The following ADD1 variants were observed in gnomAD, a reference collection of about 807,000 sequenced individuals.
ADD1 encodes the protein alpha-adducin.
A neutral mutation model predicts 80.5 loss-of-function variants in ADD1; 24 were observed. The observed-to-expected ratio is 0.30, with a 90% confidence interval of 0.22 to 0.42. ADD1 has a LOEUF of 0.42. ADD1 is among the 10% of genes least tolerant of loss of function. ADD1 has a pLI of 1.00. For synonymous variants in ADD1, 373 were observed against 393.8 expected, an observed-to-expected ratio of 0.95 and a Z score of 0.63; for missense variants, 948 against 1,019.0, an observed-to-expected ratio of 0.93 and a Z score of 0.95.
At chr4:2,921,527 C>T (rs1356445359) in intron 14 of ADD1, among the ~76,000 whole-genome samples, 1 of 152,204 alleles carries the variant, frequency 6.6e-6, no homozygotes, top group African/African-American at 2.4e-5. Flanking sequence ...ATGGGCTTCC[C>T]TTTGTGGGTA....
intron 12 of ADD1, 112 bp downstream of exon 12, chr4:2,908,716 C>A (rs980230854): frequency 3.4e-6 from 3 of 883,300 alleles, no homozygotes; most frequent in Middle Eastern, 2.2e-4. Flanking sequence ...TTCTAGGCAA[C>A]CAGTTACCTT....
intron 10 of ADD1, among the ~76,000 whole-genome samples, chr4:2,906,035 A>G (rs911945320): frequency 5.9e-5 from 9 of 152,366 alleles, no homozygotes; most frequent in African/African-American, 2.2e-4. Context: ...AGTTCAGTTG[A>G]AATTAGATTA....
At position 2,909,352 on chromosome 4, in the gene ADD1, C is replaced by T; in HGVS notation, c.1712C>T (p.Ser571Phe). 3.9e-6 allele frequency: 6 copies of T among 1,550,492 alleles called. No individual in the cohort carries two copies. Among genetic ancestry groups the T allele is most frequent in the Non-Finnish European group, 5.2e-6 (6 of 1,146,868 alleles). Reference protein sequence around the residue: ...DRSLVQDAPLSDCTETIEGLE... With the variant: ...DRSLVQDAPLFDCTETIEGLE... ...TTACTGTTTCAGGATGCACCTCTCT[C>T]TGACTGTACGGAAACTATCGAAGGG... Residue 571 changes from serine to phenylalanine, a missense_variant, in exon 13 of 16, where the codon TCT becomes TTT. Coordinates refer to ENST00000683351, the MANE Select transcript of ADD1 (RefSeq NM_001354761.2).
At chr4:2,927,682 G>C (rs1712063114) in intron 15 of ADD1, among the ~76,000 whole-genome samples, 1 of 152,164 alleles carries the variant, frequency 6.6e-6, no homozygotes, top group Non-Finnish European at 1.5e-5. Flanking sequence ...TTGTTCTTTT[G>C]GATGTTGACG....
chr4:2,925,147 C>CAG, intron 14 of ADD1, among the ~76,000 whole-genome samples: 1 of 152,292 alleles, frequency 6.6e-6, no homozygotes. Flanking sequence ...GGCTGGCTGC[C>CAG]AGAGGTCAGC....
chr4:2,880,451 A>ATTTC lies in ADD1; in HGVS notation c.196-1435_196-1432dup, dbSNP rs1258827364. Among the ~76,000 whole-genome samples, 371 of 97,598 alleles carry ATTTC rather than the reference A, an allele frequency of 3.8e-3. 1 individual carries two copies. The highest frequency in any genetic ancestry group is 0.011 in the African/African-American group (295 of 27,284). 64.0% of individuals were successfully genotyped at this position (97,598 alleles called of 152,430 possible). A position where few individuals can be genotyped will look rare whatever the true frequency, so the allele number is the denominator to read the frequency against. The stretch of plus-strand genomic sequence containing the variant: ...ATCATTTATAATTGTTTGACAAGAT[A>ATTTC]TTTCTTTCTTTCTTTTTTTTTTTTT... On this transcript the variant is annotated intron_variant, in intron 2 of 15. Transcript: ENST00000683351.
In ADD1 at chr4:2,926,334, G is replaced by A. The variant is rs562798415; in HGVS notation, c.2047+222G>A. Reference sequence around the variant, plus strand: ...GTGACCAGGTAGGAAGGCCGGCCTCGGGGGTCGGAACCCACCATGGTTGCT... The same window carrying A: ...GTGACCAGGTAGGAAGGCCGGCCTCAGGGGTCGGAACCCACCATGGTTGCT... On this transcript the variant is annotated intron_variant, in intron 15 of 15. Coordinates refer to ENST00000683351, the MANE Select transcript of ADD1 (RefSeq NM_001354761.2). The surrounding 1 kb of genome is among the most constrained non-coding windows in gnomAD (Gnocchi z 5.0). The A allele has an allele frequency of 5.4e-5, 38 of 705,550 alleles. No individual in the cohort carries two copies. Among genetic ancestry groups the A allele is most frequent in the African/African-American group, 4.2e-4 (24 of 57,388 alleles). 43.7% of individuals were successfully genotyped at this position (705,550 alleles called of 1,614,324 possible). A position where few individuals can be genotyped will look rare whatever the true frequency, so the allele number is the denominator to read the frequency against.
chr4:2,910,100 T>C (rs1394230770), intron 13 of ADD1, among the ~76,000 whole-genome samples: 4 of 147,968 alleles, frequency 2.7e-5, no homozygotes, highest in Non-Finnish European at 4.5e-5. Flanking sequence ...GTGGAAGATC[T>C]GTCTGAACCC....
intron 4 of ADD1, among the ~76,000 whole-genome samples, chr4:2,886,188 C>G (rs1733333994): frequency 6.6e-6 from 1 of 152,180 alleles, no homozygotes; most frequent in Non-Finnish European, 1.5e-5. Flanking sequence ...GTGCGCTGTT[C>G]ACGTTGCTGA....
intron 10 of ADD1, 83 bp downstream of exon 10, chr4:2,905,191 C>G (rs980668103): frequency 1.4e-5 from 18 of 1,324,584 alleles, no homozygotes; most frequent in Non-Finnish European, 1.6e-5. Context: ...GGGAATCCAG[C>G]CTTTCTGACC....
intron 1 of ADD1, among the ~76,000 whole-genome samples, chr4:2,868,799 G>A (rs1404827410): frequency 2.6e-5 from 4 of 152,198 alleles, no homozygotes; most frequent in Non-Finnish European, 5.9e-5. Context: ...TGGGAATGGT[G>A]TATGTTGACA....
At chr4:2,911,448 A>ATATATATT (rs553567632) in intron 13 of ADD1, among the ~76,000 whole-genome samples, 2 of 130,504 alleles carry the variant, frequency 1.5e-5, no homozygotes, top group African/African-American at 5.9e-5. Context: ...ATATATATAT[A>ATATATATT]TTTTTTTTTT....
In ADD1 at chr4:2,871,403, A is replaced by G. The variant is rs1022327461; in HGVS notation, c.-20-4493A>G. On this transcript the variant is annotated intron_variant, in intron 1 of 15. Coordinates refer to ENST00000683351, the MANE Select transcript of ADD1 (RefSeq NM_001354761.2). Reference sequence around the variant, plus strand: ...GAATTGCTTTTATGTCATTTGAGATAGTTGGTGTAAGTGTCTTGACTTTTT... The same window carrying G: ...GAATTGCTTTTATGTCATTTGAGATGGTTGGTGTAAGTGTCTTGACTTTTT... Among the ~76,000 whole-genome samples the G allele has an allele frequency of 4.6e-5, 7 of 152,242 alleles. No individual in the cohort carries two copies. The South Asian group carries it at 1.2e-3, about 27-fold the overall frequency.
intron 4 of ADD1, among the ~76,000 whole-genome samples, chr4:2,884,882 G>A (rs78892897): frequency 0.016 from 2,375 of 152,158 alleles, 56 homozygotes; most frequent in African/African-American, 0.049. Context: ...TCTTTCTTGC[G>A]TGCTAACCTA....
In ADD1 at chr4:2,928,118, C is replaced by T; in HGVS notation, c.2048-53C>T. ...GTGGGGCTCCCCCATCTCAAGCTGC[C>T]CTTTGAGATCTGGGCAGGAACCCTT... On this transcript the variant is annotated intron_variant, in intron 15 of 15. Coordinates refer to ENST00000683351, the MANE Select transcript of ADD1 (RefSeq NM_001354761.2). 2.7e-6 allele frequency: 4 copies of T among 1,503,078 alleles called. No individual in the cohort carries two copies. In the African/African-American group the frequency reaches 4.2e-5, roughly 16 times the overall value. The allele number at this position is 1,503,078 out of a possible 1,614,324, so 93.1% of individuals were successfully genotyped here. A position where few individuals can be genotyped will look rare whatever the true frequency, so the allele number is the denominator to read the frequency against.
chr4:2,857,969 CATTT>C (rs1728317204), intron 1 of ADD1, among the ~76,000 whole-genome samples: 1 of 152,028 alleles, frequency 6.6e-6, no homozygotes, highest in Admixed American at 6.6e-5. Flanking sequence ...ATTTAATAAG[CATTT>C]ATTTAAGATC....
chr4:2,852,708 T>C (rs1048300955), intron 1 of ADD1, among the ~76,000 whole-genome samples: 6 of 147,826 alleles, frequency 4.1e-5, no homozygotes, highest in African/African-American at 5.0e-5. Context: ...TTTTTTTTTT[T>C]TTTTTTTGGA....
At chr4:2,858,125 T>A (rs180924601) in intron 1 of ADD1, among the ~76,000 whole-genome samples, 1 of 152,340 alleles carries the variant, frequency 6.6e-6, no homozygotes, top group Admixed American at 6.5e-5. Flanking sequence ...GAGGGAACTC[T>A]ACTATGTGGT....
chr4:2,929,691 A>G lies in ADD1; in HGVS notation c.*1168A>G, dbSNP rs1276659376. 6.6e-6 allele frequency: 1 copy of G among 152,296 alleles called. No homozygotes were observed. Among genetic ancestry groups the G allele is most frequent in the East Asian group, 1.9e-4 (1 of 5,200 alleles). The allele number at this position is 152,296 out of a possible 1,614,324, so 9.4% of individuals were successfully genotyped here. ...CCAGATGTGGGCTCAGATCCTGGGC[A>G]TGATGGGCCGAGCCACCTCGGATCC... On this transcript the variant is annotated 3_prime_UTR_variant, in exon 16 of 16. Coordinates refer to ENST00000683351, the MANE Select transcript of ADD1 (RefSeq NM_001354761.2).
Sources: allele counts gnomAD v4.1 joint callset (sites outside exome capture counted in the v4.1 genomes callset), GRCh38; gene constraint gnomAD v4.1.1; non-coding constraint Gnocchi (gnomAD v3.1); transcripts MANE v1.5; gene names NCBI Gene and HGNC (gene_info 2026-07-23, HGNC 2026-07-21).